SLC28A3: variants seen among roughly 807,000 people sequenced by gnomAD.
SLC28A3 encodes solute carrier family 28 member 3.
SLC28A3 carries 68 observed loss-of-function variants against 84.2 expected under a neutral mutation model. The observed-to-expected ratio is 0.81, with a 90% CI of 0.66 to 0.99. The LOEUF (loss-of-function observed/expected upper bound fraction) is 0.99, where lower values mean the gene tolerates loss of function less well. SLC28A3 is among the 50% of genes least tolerant of loss of function. The pLI, the probability that SLC28A3 is intolerant of heterozygous loss-of-function variation, is 0.00. For synonymous variants in SLC28A3, 267 were observed against 303.6 expected, an observed-to-expected ratio of 0.88 and a Z score of 1.25; for missense variants, 712 against 841.5, an observed-to-expected ratio of 0.85 and a Z score of 1.90.
Position 84,276,247 on chromosome 9 carries a change from CAG to C in SLC28A3, c.*1969_*1970del, listed in dbSNP as rs1824521891. Reference sequence around the variant, plus strand: ...TCTCAACTGAGATATGCAAACCAGACAGACTTAGTTTCATAAGAATGAAAAAT... The same window carrying C: ...TCTCAACTGAGATATGCAAACCAGACACTTAGTTTCATAAGAATGAAAAAT... On this transcript the variant is annotated 3_prime_UTR_variant, in exon 18 of 18. Transcript: ENST00000376238. The C allele has an allele frequency of 6.6e-6, 1 of 152,004 alleles. No homozygotes were observed. Among genetic ancestry groups the C allele is most frequent in the Non-Finnish European group, 1.5e-5 (1 of 68,010 alleles). The allele number at this position is 152,004 out of a possible 1,614,324, so 9.4% of individuals were successfully genotyped here. A position where few individuals can be genotyped will look rare whatever the true frequency, so the allele number is the denominator to read the frequency against.
chr9:84,315,104 A>G (rs1826126138), intron 1 of SLC28A3, among the ~76,000 whole-genome samples: 1 of 152,210 alleles, frequency 6.6e-6, no homozygotes, highest in South Asian at 2.1e-4. Flanking sequence ...AAACAGCATG[A>G]AAAGAAAAAA....
At chr9:84,338,265 T>A (rs1453196314) in intron 1 of SLC28A3, among the ~76,000 whole-genome samples, 1 of 152,234 alleles carries the variant, frequency 6.6e-6, no homozygotes, top group African/African-American at 2.4e-5. Flanking sequence ...CCTGGTGGCA[T>A]GTTAATGCAT....
chr9:84,344,403 G>A (rs1034656818), upstream of SLC28A3, among the ~76,000 whole-genome samples: 1 of 151,868 alleles, frequency 6.6e-6, no homozygotes, highest in Non-Finnish European at 1.5e-5. Flanking sequence ...TGGCCAGGCT[G>A]GTCTTGAACT....
At chr9:84,322,396 C>A (rs1394446648) in intron 1 of SLC28A3, among the ~76,000 whole-genome samples, 1 of 152,206 alleles carries the variant, frequency 6.6e-6, no homozygotes, top group African/African-American at 2.4e-5. Flanking sequence ...GCAGGTATCA[C>A]AACGTGGGAT....
the SLC28A3 span, among the ~76,000 whole-genome samples, chr9:84,348,732 A>T: frequency 6.6e-6 from 1 of 152,186 alleles, no homozygotes; most frequent in South Asian, 2.1e-4. Context: ...GGAGTGGGTT[A>T]GTTATCCCAA....
chr9:84,317,696 C>T (rs757276755), intron 1 of SLC28A3, among the ~76,000 whole-genome samples: 14 of 152,170 alleles, frequency 9.2e-5, no homozygotes, highest in Admixed American at 4.6e-4. Context: ...TGGTCTTGCA[C>T]TCATTCAGTG....
chr9:84,295,115 T>C (rs771000778), intron 8 of SLC28A3, among the ~76,000 whole-genome samples: 6 of 152,148 alleles, frequency 3.9e-5, no homozygotes, highest in Non-Finnish European at 7.3e-5. Context: ...GGTCTTTTCT[T>C]TGGCCGCTCA....
At chr9:84,312,578 G>A (rs1245642312) in intron 2 of SLC28A3, among the ~76,000 whole-genome samples, 4 of 136,632 alleles carry the variant, frequency 2.9e-5, no homozygotes, top group Non-Finnish European at 3.0e-5. Flanking sequence ...TCGCTCTGTC[G>A]CCCAGGCTGG....
the SLC28A3 span, among the ~76,000 whole-genome samples, chr9:84,354,580 G>A: frequency 6.6e-6 from 1 of 152,386 alleles, no homozygotes; most frequent in East Asian, 1.9e-4. Context: ...GGGCACAGTG[G>A]CTCACGCCAG....
In SLC28A3 at chr9:84,302,191, T is replaced by G; in HGVS notation, c.524+9A>C. Reference sequence around the variant, plus strand: ...TCTTAACTGAAATAAGAGAACCAATTGCATTTACCACTTCAGCCAGAACCA... The same window carrying G: ...TCTTAACTGAAATAAGAGAACCAATGGCATTTACCACTTCAGCCAGAACCA... On this transcript the variant is annotated intron_variant, in intron 5 of 17. Coordinates refer to ENST00000376238, the MANE Select transcript of SLC28A3 (RefSeq NM_001199633.2). 3 of 1,612,022 alleles carry G rather than the reference T, an allele frequency of 1.9e-6. No homozygotes were observed. Among genetic ancestry groups the G allele is most frequent in the East Asian group, 2.2e-5 (1 of 44,860 alleles).
rs1309796959 is a variant in SLC28A3 at position 84,313,471 on chromosome 9, G to T, written c.61-17C>A. The T allele has an allele frequency of 1.9e-6, 3 of 1,603,940 alleles. No homozygotes were observed. In the African/African-American group the frequency reaches 4.0e-5, roughly 22 times the overall value. On this transcript the variant is annotated splice_polypyrimidine_tract_variant and intron_variant, in intron 1 of 17. Coordinates refer to ENST00000376238, the MANE Select transcript of SLC28A3 (RefSeq NM_001199633.2). ...TTCTTCATTCTAAGAAAAAAGTGCA[G>T]ATTGAAAAAATAAAAAGTTACAGCC...
chr9:84,329,858 GC>G (rs1826709997), intron 1 of SLC28A3, among the ~76,000 whole-genome samples: 1 of 151,818 alleles, frequency 6.6e-6, no homozygotes, highest in Admixed American at 6.6e-5. Context: ...ACATAGCATG[GC>G]CCTCATCACA....
chr9:84,346,852 G>T, the SLC28A3 span, among the ~76,000 whole-genome samples: 102 of 152,250 alleles, frequency 6.7e-4, no homozygotes, highest in Non-Finnish European at 1.3e-3. Context: ...ATTAAAGGAT[G>T]ATTTGGCTGT....
intron 1 of SLC28A3, among the ~76,000 whole-genome samples, chr9:84,329,814 G>T (rs367681591): frequency 4.6e-5 from 7 of 152,066 alleles, no homozygotes; most frequent in Admixed American, 6.6e-5. Flanking sequence ...TGGGTGGATT[G>T]CTTGTACCCA....
chr9:84,277,887 C>T lies in SLC28A3; in HGVS notation c.*331G>A. On this transcript the variant is annotated 3_prime_UTR_variant, in exon 18 of 18. Coordinates refer to ENST00000376238, the MANE Select transcript of SLC28A3 (RefSeq NM_001199633.2). ...AAGTGGGTGTGGGTGAGTCAGAGCC[C>T]AGTTGTTGGGAGCGGCCGTTTATAG... 4.1e-6 allele frequency: 1 copy of T among 246,258 alleles called. No individual in the cohort carries two copies. Among genetic ancestry groups the T allele is most frequent in the Non-Finnish European group, 8.0e-6 (1 of 125,596 alleles). The allele number at this position is 246,258 out of a possible 1,614,324, so 15.3% of individuals were successfully genotyped here. A position where few individuals can be genotyped will look rare whatever the true frequency, so the allele number is the denominator to read the frequency against.
At chr9:84,346,056 T>G in the SLC28A3 span, among the ~76,000 whole-genome samples, 1 of 152,198 alleles carries the variant, frequency 6.6e-6, no homozygotes, top group Non-Finnish European at 1.5e-5. Context: ...TGCCAAGAAC[T>G]AAAAAACTGT....
chr9:84,286,234 C>T, intron 12 of SLC28A3, 123 bp from the exon 13 acceptor site: 4 of 820,400 alleles, frequency 4.9e-6, no homozygotes, highest in Non-Finnish European at 7.5e-6. Flanking sequence ...CTGCCTTGCT[C>T]AAAATACTCA....
At chr9:84,368,436 C>A in the SLC28A3 span, among the ~76,000 whole-genome samples, 1 of 152,088 alleles carries the variant, frequency 6.6e-6, no homozygotes, top group South Asian at 2.1e-4. Flanking sequence ...TCTTTTCCCC[C>A]ACACTGATAC....
chr9:84,319,796 T>G (rs543494762), intron 1 of SLC28A3, among the ~76,000 whole-genome samples: 288 of 152,210 alleles, frequency 1.9e-3, no homozygotes, highest in African/African-American at 6.4e-3. Flanking sequence ...AAGTCTAAAG[T>G]CACTCACAGA....
Sources: gnomAD v4.1 joint callset for allele counts (sites outside exome capture counted in the v4.1 genomes callset) on GRCh38, gnomAD v4.1.1 for gene constraint, MANE v1.5 for transcripts, NCBI Gene and HGNC (gene_info 2026-07-23, HGNC 2026-07-21) for gene names.